XKR9: variants seen among roughly 807,000 people sequenced by gnomAD.
XKR9 encodes XK related 9.
A neutral mutation model predicts 32.0 loss-of-function variants in XKR9; 32 were observed. The ratio of observed to expected loss-of-function variants is 1.00; its 90% CI spans 0.76 to 1.34. The LOEUF is 1.34. XKR9 is among the 40% of genes most tolerant of loss of function. The probability of loss-of-function intolerance (pLI) is 0.00; values close to 1 mark genes in which losing one functional copy is unlikely to be tolerated. For synonymous variants in XKR9, 168 were observed against 143.4 expected (o/e 1.17, Z -1.22); for missense variants, 546 against 429.7 (o/e 1.27, Z -2.39).
chr8:71,016,280 A>G, the XKR9 span, among the ~76,000 whole-genome samples: 1 of 151,938 alleles, frequency 6.6e-6, no homozygotes, highest in Non-Finnish European at 1.5e-5. Flanking sequence ...CTGTTTTTAT[A>G]TTTTTTCAAT....
the XKR9 span, among the ~76,000 whole-genome samples, chr8:71,016,196 T>C: frequency 6.6e-6 from 1 of 152,226 alleles, no homozygotes; most frequent in South Asian, 2.1e-4. Context: ...TTAATCTTTT[T>C]AGTGCTCTCA....
intron 2 of XKR9, among the ~76,000 whole-genome samples, chr8:70,784,797 C>A (rs1807661577): frequency 6.6e-6 from 1 of 151,896 alleles, no homozygotes; most frequent in South Asian, 2.1e-4. Flanking sequence ...GAAATGCTTT[C>A]AATTTTTCAT....
chr8:70,899,182 T>A, the XKR9 span, among the ~76,000 whole-genome samples: 1 of 152,170 alleles, frequency 6.6e-6, no homozygotes, highest in African/African-American at 2.4e-5. Context: ...TTGTCTTCGG[T>A]GTAAGGCATT....
chr8:70,877,076 C>T, the XKR9 span, among the ~76,000 whole-genome samples: 1 of 152,008 alleles, frequency 6.6e-6, no homozygotes, highest in Non-Finnish European at 1.5e-5. Context: ...GCTGGGGAGG[C>T]CTCAGGAAAC....
the XKR9 span, among the ~76,000 whole-genome samples, chr8:70,830,617 C>T: frequency 6.0e-4 from 92 of 152,186 alleles, no homozygotes; most frequent in East Asian, 0.017. Flanking sequence ...CTTACTCTTA[C>T]TGTAAATAAA....
At chr8:70,753,076 A>T (rs2130188306) in intron 2 of XKR9, among the ~76,000 whole-genome samples, 1 of 152,336 alleles carries the variant, frequency 6.6e-6, no homozygotes, top group South Asian at 2.1e-4. Context: ...AAAATGATAA[A>T]GGGGACATCA....
the XKR9 span, among the ~76,000 whole-genome samples, chr8:70,982,078 G>T: frequency 2.6e-5 from 4 of 152,228 alleles, no homozygotes; most frequent in Non-Finnish European, 4.4e-5. Flanking sequence ...GAGGGTCCTT[G>T]GTTGTGCTTT....
the XKR9 span, among the ~76,000 whole-genome samples, chr8:70,880,733 G>A: frequency 5.3e-5 from 8 of 152,084 alleles, no homozygotes; most frequent in Non-Finnish European, 1.2e-4. Context: ...TCCCCATCAA[G>A]CTACCAATGA....
the XKR9 span, among the ~76,000 whole-genome samples, chr8:70,860,760 C>T: frequency 1.3e-5 from 2 of 151,620 alleles, no homozygotes; most frequent in Admixed American, 1.3e-4. Flanking sequence ...GTCCCCCTGT[C>T]TGGGGAGTTC....
chr8:71,062,903 C>A, the XKR9 span, among the ~76,000 whole-genome samples: 1 of 152,132 alleles, frequency 6.6e-6, no homozygotes, highest in African/African-American at 2.4e-5. Context: ...ATTGATTACA[C>A]TGCTTCTTTG....
At position 70,741,004 on chromosome 8, in the gene XKR9, A is replaced by T. The variant is rs148146700; in HGVS notation, n.352+33851A>T. On this transcript the variant is annotated intron_variant and non_coding_transcript_variant, in intron 2 of 3. Transcript: ENST00000520273. ...ACCACTGCTCTCTTCAAAAGCTGTCAGACAGGGACATTGAAGTCTGCAGAG... is the reference window on the plus strand; with the variant it reads ...ACCACTGCTCTCTTCAAAAGCTGTCTGACAGGGACATTGAAGTCTGCAGAG... Among the ~76,000 whole-genome samples the T allele has an allele frequency of 3.9e-5, 6 of 152,354 alleles. No individual in the cohort carries two copies. In the East Asian group the frequency reaches 1.2e-3, roughly 29 times the overall value.
chr8:70,898,256 C>T, the XKR9 span, among the ~76,000 whole-genome samples: 2 of 152,104 alleles, frequency 1.3e-5, no homozygotes, highest in African/African-American at 2.4e-5. Context: ...TCTGGGTTCC[C>T]TATTTTATTC....
chr8:70,994,227 C>T, the XKR9 span, among the ~76,000 whole-genome samples: 2 of 152,086 alleles, frequency 1.3e-5, no homozygotes, highest in Non-Finnish European at 2.9e-5. Context: ...ACATAGATTC[C>T]AGTTTCCAAC....
the XKR9 span, among the ~76,000 whole-genome samples, chr8:70,958,983 C>A: frequency 1.3e-5 from 2 of 150,932 alleles, no homozygotes; most frequent in Non-Finnish European, 3.0e-5. Context: ...ACAGTAAATC[C>A]CTAATTATTA....
chr8:70,815,250 G>T, the XKR9 span, among the ~76,000 whole-genome samples: 1 of 152,046 alleles, frequency 6.6e-6, no homozygotes, highest in African/African-American at 2.4e-5. Context: ...TTGTTGTACA[G>T]ATTATTTCAT....
intron 1 of XKR9, 81 bp from the exon 2 acceptor site, chr8:70,674,735 CAT>C (rs1399765470): frequency 6.6e-6 from 1 of 152,174 alleles, no homozygotes; most frequent in Non-Finnish European, 1.5e-5. Flanking sequence ...GAAAATGCCA[CAT>C]ATGACTAACA....
At chr8:70,926,752 A>G in the XKR9 span, among the ~76,000 whole-genome samples, 1 of 152,212 alleles carries the variant, frequency 6.6e-6, no homozygotes, top group South Asian at 2.1e-4. Flanking sequence ...ACTTGTGAAA[A>G]TAGAGAGAAA....
chr8:70,872,946 C>T, the XKR9 span, among the ~76,000 whole-genome samples: 2 of 152,152 alleles, frequency 1.3e-5, no homozygotes, highest in Non-Finnish European at 2.9e-5. Context: ...AGGTATGAGC[C>T]ACTGCATCTG....
intron 4 of XKR9, among the ~76,000 whole-genome samples, chr8:70,710,452 G>A (rs1439169179): frequency 1.3e-5 from 2 of 152,134 alleles, no homozygotes; most frequent in South Asian, 2.1e-4. Flanking sequence ...TGTAATCACA[G>A]CACTTTGGGA....
Sources: gnomAD v4.1 joint callset for allele counts (sites outside exome capture counted in the v4.1 genomes callset) on GRCh38, gnomAD v4.1.1 for gene constraint, MANE v1.5 for transcripts, NCBI Gene and HGNC (gene_info 2026-07-23, HGNC 2026-07-21) for gene names.